The following KLF12 variants were observed in gnomAD, a reference collection of about 807,000 sequenced individuals.
KLF12 encodes the protein Krueppel-like factor 12.
In KLF12, 9 loss-of-function variants were observed where a neutral mutation model predicts 37.8. That is an observed-to-expected ratio of 0.24 (90% confidence interval 0.14 to 0.42). KLF12 has a LOEUF of 0.42. Ranked by LOEUF, KLF12 falls within the 10% of genes least tolerant of loss-of-function variation. The pLI, the probability that KLF12 is intolerant of heterozygous loss-of-function variation, is 1.00. For missense variants in KLF12, 411 were observed against 516.0 expected (o/e 0.80, Z 1.97); for synonymous variants, 208 against 202.1 (o/e 1.03, Z -0.25).
At chr13:73,930,970 C>A (rs1477715985) in intron 3 of KLF12, among the ~76,000 whole-genome samples, 1 of 148,438 alleles carries the variant, frequency 6.7e-6, no homozygotes, top group East Asian at 2.1e-4. Flanking sequence ...AATTCTCCTA[C>A]CTCAGACTCC....
intron 4 of KLF12, among the ~76,000 whole-genome samples, chr13:73,826,912 G>A (rs1235003903): frequency 1.3e-5 from 2 of 152,078 alleles, no homozygotes; most frequent in Non-Finnish European, 2.9e-5. Flanking sequence ...CTCCAGAATA[G>A]CTGGGACTAC....
At chr13:73,727,807 C>T (rs1876773458) in intron 6 of KLF12, among the ~76,000 whole-genome samples, 1 of 151,880 alleles carries the variant, frequency 6.6e-6, no homozygotes, top group African/African-American at 2.4e-5. Context: ...AAGTGATTCT[C>T]CTGCCTCGGT....
At chr13:74,121,574 C>A (rs147443476) in intron 1 of KLF12, among the ~76,000 whole-genome samples, 1 of 151,838 alleles carries the variant, frequency 6.6e-6, no homozygotes. Context: ...AAATAAAACA[C>A]GAGCAAATGA....
chr13:74,086,247 C>T (rs981857228), intron 1 of KLF12, among the ~76,000 whole-genome samples: 1 of 150,296 alleles, frequency 6.7e-6, no homozygotes, highest in African/African-American at 2.4e-5. Context: ...TTAGGTATAT[C>T]TCCTAATGCT....
intron 3 of KLF12, among the ~76,000 whole-genome samples, chr13:73,934,097 C>T (rs1354186452): frequency 6.6e-6 from 1 of 152,142 alleles, no homozygotes; most frequent in African/African-American, 2.4e-5. Context: ...TACCATCTTG[C>T]TATCTGTACT....
intron 1 of KLF12, among the ~76,000 whole-genome samples, chr13:74,008,619 A>G (rs59293122): frequency 0.012 from 1,781 of 152,364 alleles, 23 homozygotes; most frequent in African/African-American, 0.036. Context: ...GTATGTGCCA[A>G]TTGGCAAGTC....
chr13:73,867,464 T>A (rs1388337019), intron 3 of KLF12, among the ~76,000 whole-genome samples: 1 of 151,828 alleles, frequency 6.6e-6, no homozygotes, highest in Non-Finnish European at 1.5e-5. Context: ...TGTCAATTTA[T>A]AAAAATAGTC....
intron 4 of KLF12, among the ~76,000 whole-genome samples, chr13:73,819,950 T>C (rs1276721141): frequency 6.6e-6 from 1 of 152,080 alleles, no homozygotes; most frequent in Non-Finnish European, 1.5e-5. Flanking sequence ...AAGGAAGCTG[T>C]GGCTGGAACC....
At chr13:73,853,029 G>A (rs532291066) in intron 3 of KLF12, among the ~76,000 whole-genome samples, 3 of 151,664 alleles carry the variant, frequency 2.0e-5, no homozygotes, top group Middle Eastern at 3.4e-3. Context: ...GCCACCATGC[G>A]GCTAATTTTT....
the KLF12 span, among the ~76,000 whole-genome samples, chr13:74,280,612 A>G: frequency 6.6e-6 from 1 of 152,214 alleles, no homozygotes; most frequent in African/African-American, 2.4e-5. Flanking sequence ...CTCTGGTCAC[A>G]TTCTCTAGTT....
the KLF12 span, among the ~76,000 whole-genome samples, chr13:74,147,363 C>T: frequency 6.6e-6 from 1 of 152,188 alleles, no homozygotes; most frequent in East Asian, 1.9e-4. Context: ...TCTGTGCTCT[C>T]AAATATTTGG....
intron 1 of KLF12, among the ~76,000 whole-genome samples, chr13:74,019,899 C>T (rs1285232273): frequency 6.6e-6 from 1 of 152,138 alleles, no homozygotes; most frequent in Non-Finnish European, 1.5e-5. Context: ...AAGTGTCAGG[C>T]AGTCATAAAA....
chr13:73,971,314 T>G (rs949282365), intron 2 of KLF12, among the ~76,000 whole-genome samples: 4 of 152,108 alleles, frequency 2.6e-5, no homozygotes, highest in African/African-American at 9.7e-5. Flanking sequence ...CCAAAAACAT[T>G]AACTTCCTTC....
Position 73,853,678 on chromosome 13 carries a change from G to A in KLF12, c.124-7305C>T, listed in dbSNP as rs868125616. On this transcript the variant is annotated intron_variant, in intron 3 of 7. Transcript: ENST00000377669. ...CGCTTGAACCTGGGAGGTGAAGGTT[G>A]CAGTGAGCTGAGATTGCGCCACTGC... Among the ~76,000 whole-genome samples the A allele has an allele frequency of 2.6e-5, 4 of 151,596 alleles. No individual in the cohort carries two copies. The South Asian group carries it at 8.3e-4, about 32-fold the overall frequency.
chr13:73,721,365 TC>T (rs1329431958), intron 6 of KLF12, among the ~76,000 whole-genome samples: 2 of 152,220 alleles, frequency 1.3e-5, no homozygotes, highest in African/African-American at 4.8e-5. Flanking sequence ...CATTTAAATT[TC>T]CCCTTTAACC....
intron 6 of KLF12, among the ~76,000 whole-genome samples, chr13:73,726,076 C>G (rs186130480): frequency 0.015 from 2,335 of 151,956 alleles, 30 homozygotes; most frequent in South Asian, 0.085. Context: ...TCTCCATGAC[C>G]TCCCAACCTC....
chr13:74,195,738 A>T, the KLF12 span, among the ~76,000 whole-genome samples: 2 of 152,112 alleles, frequency 1.3e-5, no homozygotes, highest in Non-Finnish European at 2.9e-5. Flanking sequence ...AGTTGGGATT[A>T]TAGGCACACA....
At chr13:74,119,985 A>C (rs987227993) in intron 1 of KLF12, among the ~76,000 whole-genome samples, 1 of 149,224 alleles carries the variant, frequency 6.7e-6, no homozygotes, top group African/African-American at 2.4e-5. Flanking sequence ...CATATAGACA[A>C]AAAAAAAAAG....
At chr13:74,086,479 G>A (rs918693653) in intron 1 of KLF12, among the ~76,000 whole-genome samples, 11 of 151,892 alleles carry the variant, frequency 7.2e-5, no homozygotes, top group Non-Finnish European at 1.5e-4. Flanking sequence ...AGTATTCCAC[G>A]GTGTATATGT....
Sources: allele counts gnomAD v4.1 joint callset (sites outside exome capture counted in the v4.1 genomes callset), GRCh38; gene constraint gnomAD v4.1.1; transcripts MANE v1.5; gene names NCBI Gene and HGNC (gene_info 2026-07-23, HGNC 2026-07-21).